The following DPP10 variants were observed in gnomAD, a reference collection of about 807,000 sequenced individuals.
DPP10 encodes the protein dipeptidyl peptidase like 10, also known as inactive dipeptidyl peptidase 10.
In DPP10, 33 loss-of-function variants were observed where a neutral mutation model predicts 120.9. That is an observed-to-expected ratio of 0.27 (90% CI 0.21 to 0.37). The LOEUF is 0.37. DPP10 is among the 10% of genes least tolerant of loss of function. The probability of loss-of-function intolerance (pLI) is 1.00; values close to 1 mark genes in which losing one functional copy is unlikely to be tolerated. For synonymous variants in DPP10, 337 were observed against 326.1 expected, an observed-to-expected ratio of 1.03 and a Z score of -0.36; for missense variants, 816 against 942.8, an observed-to-expected ratio of 0.87 and a Z score of 1.76.
At chr2:114,955,492 T>C (rs1012736322) in intron 1 of DPP10, among the ~76,000 whole-genome samples, 1 of 152,224 alleles carries the variant, frequency 6.6e-6, no homozygotes, top group Non-Finnish European at 1.5e-5. Flanking sequence ...TCTGACAGCT[T>C]CACAGCCGAA....
At chr2:115,461,399 C>T (rs1264205495) in intron 3 of DPP10, among the ~76,000 whole-genome samples, 3 of 152,008 alleles carry the variant, frequency 2.0e-5, no homozygotes, top group African/African-American at 7.2e-5. Flanking sequence ...TGATGTTGGT[C>T]AAAAGGTGCA....
At chr2:115,358,642 C>T (rs776776518) in intron 3 of DPP10, among the ~76,000 whole-genome samples, 1 of 152,170 alleles carries the variant, frequency 6.6e-6, no homozygotes, top group Non-Finnish European at 1.5e-5. Flanking sequence ...TATAGCAGCA[C>T]CCCACTCTAC....
chr2:114,846,811 G>A (rs1441208555), intron 1 of DPP10, among the ~76,000 whole-genome samples: 2 of 152,036 alleles, frequency 1.3e-5, no homozygotes. Context: ...CTTCCAATTA[G>A]GCTGTCTCCA....
chr2:114,932,869 G>C (rs1196814582), intron 1 of DPP10, among the ~76,000 whole-genome samples: 1 of 152,124 alleles, frequency 6.6e-6, no homozygotes, highest in East Asian at 1.9e-4. Flanking sequence ...GAATAAAAAA[G>C]TATGCCTCAC....
intron 1 of DPP10, among the ~76,000 whole-genome samples, chr2:114,785,999 C>G (rs1371562175): frequency 6.6e-6 from 1 of 152,192 alleles, no homozygotes; most frequent in Non-Finnish European, 1.5e-5. Context: ...CACACAGCCC[C>G]GTTTTCATTT....
At chr2:114,557,938 A>G (rs972210001) in intron 1 of DPP10, among the ~76,000 whole-genome samples, 6 of 152,112 alleles carry the variant, frequency 3.9e-5, no homozygotes, top group African/African-American at 1.4e-4. Context: ...CTTTTTCCAA[A>G]TGTTCATTCT....
chr2:114,458,629 A>T (rs1181175982), intron 1 of DPP10, among the ~76,000 whole-genome samples: 1 of 152,200 alleles, frequency 6.6e-6, no homozygotes, highest in Non-Finnish European at 1.5e-5. Context: ...TATCTGAGGC[A>T]AGTTTTCAAA....
intron 1 of DPP10, among the ~76,000 whole-genome samples, chr2:115,243,026 C>T (rs1328850863): frequency 1.9e-4 from 8 of 43,104 alleles, no homozygotes; most frequent in Admixed American, 6.5e-4. Flanking sequence ...TGTTTTATAA[C>T]ACACACATAC....
At chr2:115,454,241 CA>C (rs1255866716) in intron 3 of DPP10, among the ~76,000 whole-genome samples, 1 of 151,372 alleles carries the variant, frequency 6.6e-6, no homozygotes, top group Non-Finnish European at 1.5e-5. Context: ...TCATATCAGA[CA>C]AATGCATCAC....
At chr2:114,980,344 A>AT (rs1399960917) in intron 1 of DPP10, among the ~76,000 whole-genome samples, 3 of 152,088 alleles carry the variant, frequency 2.0e-5, no homozygotes, top group Non-Finnish European at 4.4e-5. Context: ...AGTAACTATG[A>AT]ATCTGATCTT....
chr2:115,630,692 G>A (rs1264092777), intron 5 of DPP10, among the ~76,000 whole-genome samples: 2 of 152,120 alleles, frequency 1.3e-5, no homozygotes, highest in African/African-American at 4.8e-5. Flanking sequence ...TTCTGTTTAT[G>A]TGATGAATTA....
At chr2:114,474,393 C>T (rs1340132915) in intron 1 of DPP10, among the ~76,000 whole-genome samples, 1 of 152,252 alleles carries the variant, frequency 6.6e-6, no homozygotes, top group Non-Finnish European at 1.5e-5. Flanking sequence ...TAGCCAACCA[C>T]ACTGGCCCTT....
intron 3 of DPP10, among the ~76,000 whole-genome samples, chr2:115,437,347 C>T (rs556185577): frequency 1.3e-5 from 2 of 152,080 alleles, no homozygotes; most frequent in South Asian, 4.1e-4. Flanking sequence ...ATATATTTGC[C>T]TATTTCTAAC....
intron 1 of DPP10, among the ~76,000 whole-genome samples, chr2:114,677,784 T>A (rs7599258): frequency 0.31 from 47,467 of 152,030 alleles, 7,762 homozygotes; most frequent in South Asian, 0.43. Flanking sequence ...AAAATAGATG[T>A]TTTTATTTTA....
At chr2:114,986,096 T>C (rs1333832068) in intron 1 of DPP10, among the ~76,000 whole-genome samples, 1 of 152,180 alleles carries the variant, frequency 6.6e-6, no homozygotes, top group African/African-American at 2.4e-5. Context: ...TTTGAAATAA[T>C]GAAACCACAA....
chr2:115,675,882 C>T (rs1487884781), intron 5 of DPP10, among the ~76,000 whole-genome samples: 3 of 152,178 alleles, frequency 2.0e-5, no homozygotes, highest in Non-Finnish European at 4.4e-5. Context: ...ATTTCCACAT[C>T]CCTGGGGCCT....
intron 1 of DPP10, among the ~76,000 whole-genome samples, chr2:114,460,169 A>ATATCTATCTATCTATC (rs10686701): frequency 1.3e-5 from 2 of 148,398 alleles, no homozygotes; most frequent in Non-Finnish European, 1.5e-5. Flanking sequence ...ATTTGGGATG[A>ATATCTATCTATCTATC]TATCTATCTA....
At chr2:114,614,349 A>G (rs542083723) in intron 1 of DPP10, among the ~76,000 whole-genome samples, 55 of 152,232 alleles carry the variant, frequency 3.6e-4, no homozygotes, top group African/African-American at 1.3e-3. Context: ...TGCTCTTGTT[A>G]TTGCTGTTGC....
chr2:115,525,642 CAT>C (rs2078083761), intron 4 of DPP10, among the ~76,000 whole-genome samples: 2 of 151,962 alleles, frequency 1.3e-5, no homozygotes, highest in South Asian at 2.1e-4. Context: ...AAAATATTAA[CAT>C]ATTCTTTAAG....
Sources: allele counts gnomAD v4.1 joint callset (sites outside exome capture counted in the v4.1 genomes callset), GRCh38; gene constraint gnomAD v4.1.1; transcripts MANE v1.5; gene names NCBI Gene and HGNC (gene_info 2026-07-23, HGNC 2026-07-21).